The following FRYL variants were observed in gnomAD, a reference collection of about 807,000 sequenced individuals.
FRYL encodes protein furry homolog-like.
Under a neutral mutation model 351.2 loss-of-function variants are expected in FRYL, and 150 were observed. The ratio of observed to expected loss-of-function variants is 0.43; its 90% CI spans 0.37 to 0.49. The LOEUF is 0.49. FRYL is among the 20% of genes least tolerant of loss of function. The probability of loss-of-function intolerance (pLI) is 0.00; values close to 1 mark genes in which losing one functional copy is unlikely to be tolerated. For missense variants in FRYL, 3,036 were observed against 3,619.3 expected (o/e 0.84, Z 4.13); for synonymous variants, 1,153 against 1,257.1 (o/e 0.92, Z 1.75).
intron 7 of FRYL, among the ~76,000 whole-genome samples, chr4:48,616,047 A>G (rs1186764073): frequency 2.0e-5 from 3 of 152,058 alleles, no homozygotes; most frequent in Non-Finnish European, 4.4e-5. Context: ...GGGAAGGAAC[A>G]TCACACACTG....
intron 50 of FRYL, among the ~76,000 whole-genome samples, chr4:48,528,696 A>T (rs1422472088): frequency 6.6e-6 from 1 of 152,172 alleles, no homozygotes; most frequent in African/African-American, 2.4e-5. Context: ...ATATCAAATC[A>T]TCTGTTTTCT....
intron 41 of FRYL, 55 bp downstream of exon 41, chr4:48,547,529 T>C (rs1731622270): frequency 9.7e-7 from 1 of 1,033,802 alleles, no homozygotes; most frequent in African/African-American, 1.6e-5. Context: ...TAATGCAGGA[T>C]TCCAAATTAA....
intron 13 of FRYL, among the ~76,000 whole-genome samples, chr4:48,598,016 T>A (rs1744953628): frequency 6.6e-6 from 1 of 152,224 alleles, no homozygotes; most frequent in South Asian, 2.1e-4. Flanking sequence ...TTTTGGTATG[T>A]CAGTCAAATA....
intron 4 of FRYL, among the ~76,000 whole-genome samples, chr4:48,633,801 T>C (rs1043356536): frequency 6.6e-6 from 1 of 152,160 alleles, no homozygotes; most frequent in Non-Finnish European, 1.5e-5. Context: ...TAGTCTCCGC[T>C]CTCAATGTCT....
At chr4:48,578,096 T>C (rs1171178131) in intron 23 of FRYL, among the ~76,000 whole-genome samples, 3 of 141,992 alleles carry the variant, frequency 2.1e-5, no homozygotes, top group African/African-American at 7.8e-5. Flanking sequence ...ATGCAAAAAT[T>C]AAAAAAAAAA....
chr4:48,748,336 G>T (rs577434865), intron 1 of FRYL, among the ~76,000 whole-genome samples: 1 of 152,264 alleles, frequency 6.6e-6, no homozygotes, highest in African/African-American at 2.4e-5. Context: ...GAACTCCGAA[G>T]TTATAGCTAT....
intron 2 of FRYL, among the ~76,000 whole-genome samples, chr4:48,686,866 T>G (rs933091977): frequency 2.0e-5 from 3 of 152,266 alleles, no homozygotes; most frequent in Admixed American, 2.0e-4. Context: ...GTCCAGAGTT[T>G]GCAACACTTC....
chr4:48,761,007 C>CTGTCTGTG (rs1398138253), intron 1 of FRYL, among the ~76,000 whole-genome samples: 1 of 134,434 alleles, frequency 7.4e-6, no homozygotes, highest in Non-Finnish European at 1.5e-5. Context: ...ATTACTCTGT[C>CTGTCTGTG]TGTGTGTGTG....
intron 2 of FRYL, among the ~76,000 whole-genome samples, chr4:48,704,933 G>A (rs1767147914): frequency 7.2e-6 from 1 of 138,556 alleles, no homozygotes; most frequent in Non-Finnish European, 1.5e-5. Context: ...TGGGCAACAA[G>A]AGCGAGACTC....
chr4:48,711,129 G>T (rs1039136950), intron 1 of FRYL, among the ~76,000 whole-genome samples: 1 of 152,200 alleles, frequency 6.6e-6, no homozygotes, highest in East Asian at 1.9e-4. Context: ...AGCTCCCAGC[G>T]GGAGCGACAC....
At chr4:48,521,641 A>G (rs543919226) in intron 54 of FRYL, among the ~76,000 whole-genome samples, 1 of 152,332 alleles carries the variant, frequency 6.6e-6, no homozygotes, top group East Asian at 1.9e-4. Context: ...TAATATGCAG[A>G]TCTGCAATAA....
intron 61 of FRYL, among the ~76,000 whole-genome samples, chr4:48,502,101 CTCACTGCATTTA>C: frequency 6.6e-6 from 1 of 152,150 alleles, no homozygotes; most frequent in Non-Finnish European, 1.5e-5. Context: ...AGATGTAGAT[CTCACTGCATTTA>C]TCAACAAATG....
At chr4:48,767,988 C>T (rs907831358) in intron 1 of FRYL, among the ~76,000 whole-genome samples, 7 of 152,186 alleles carry the variant, frequency 4.6e-5, no homozygotes, top group African/African-American at 1.7e-4. Context: ...GGCAGTCCAC[C>T]CTAAAACTGC....
intron 45 of FRYL, 138 bp downstream of exon 45, chr4:48,541,889 C>A: frequency 1.6e-6 from 1 of 626,118 alleles, no homozygotes; most frequent in Non-Finnish European, 2.9e-6. Flanking sequence ...CTGTCTGCGG[C>A]CCATCTCCCC....
chr4:48,772,241 T>A (rs769460214), intron 1 of FRYL, among the ~76,000 whole-genome samples: 5 of 152,302 alleles, frequency 3.3e-5, no homozygotes, highest in African/African-American at 1.2e-4. Flanking sequence ...GGCTAGCAAG[T>A]CTTTGTCTTT....
At chr4:48,641,773 C>A (rs1478536155) in intron 3 of FRYL, among the ~76,000 whole-genome samples, 2 of 152,126 alleles carry the variant, frequency 1.3e-5, no homozygotes, top group African/African-American at 4.8e-5. Context: ...ATTTAAAGGT[C>A]CAAATTCTTA....
chr4:48,636,898 ATAATC>A (rs1754336784), intron 3 of FRYL: 1 of 152,126 alleles, frequency 6.6e-6, no homozygotes, highest in South Asian at 2.1e-4. Context: ...AATGATTTTT[ATAATC>A]TAATAAACAG....
At chr4:48,671,858 C>CAAAAAAAAAAAAAAAAAAAA (rs1226492542) in intron 3 of FRYL, among the ~76,000 whole-genome samples, 3 of 22,400 alleles carry the variant, frequency 1.3e-4, no homozygotes, top group Non-Finnish European at 1.8e-4. Flanking sequence ...GTCTCAAAAA[C>CAAAAAAAAAAAAAAAAAAAA]AAAAAAAAAA....
At chr4:48,640,162 A>T (rs1487804742) in intron 3 of FRYL, among the ~76,000 whole-genome samples, 1 of 152,142 alleles carries the variant, frequency 6.6e-6, no homozygotes, top group Admixed American at 6.6e-5. Flanking sequence ...CCTGGTATTT[A>T]CCCACAGGAG....
Sources: gnomAD v4.1 joint callset for allele counts (sites outside exome capture counted in the v4.1 genomes callset) on GRCh38, gnomAD v4.1.1 for gene constraint, MANE v1.5 for transcripts, NCBI Gene and HGNC (gene_info 2026-07-23, HGNC 2026-07-21) for gene names.